Variants in OSBPL5 observed in about 807,000 individuals in gnomAD.
OSBPL5 encodes oxysterol-binding protein-related protein 5.
In OSBPL5, 71 loss-of-function variants were observed where a neutral mutation model predicts 111.2. That is an observed-to-expected ratio of 0.64 (90% confidence interval 0.53 to 0.78). The LOEUF (loss-of-function observed/expected upper bound fraction) is 0.78, where lower values mean the gene tolerates loss of function less well. Ranked by LOEUF, OSBPL5 falls within the 30% of genes least tolerant of loss-of-function variation. The pLI is 0.00. For missense variants in OSBPL5, 1,210 were observed against 1,189.3 expected (o/e 1.02, Z -0.26); for synonymous variants, 549 against 513.9 (o/e 1.07, Z -0.93).
In OSBPL5 at chr11:3,089,792, G is replaced by C. The variant is rs1856994314; in HGVS notation, c.2501+54C>G. 3.3e-6 allele frequency: 5 copies of C among 1,502,948 alleles called. No individual in the cohort carries two copies. In the East Asian group the frequency reaches 9.8e-5, roughly 30 times the overall value. The allele number at this position is 1,502,948 out of a possible 1,614,324, so 93.1% of individuals were successfully genotyped here. A position where few individuals can be genotyped will look rare whatever the true frequency, so the allele number is the denominator to read the frequency against. ...CCACCTCCCGCCCTAGCTCTACCAGGTCTCTCGCACTCTCTGACCCGGAGT... is the reference window on the plus strand; with the variant it reads ...CCACCTCCCGCCCTAGCTCTACCAGCTCTCTCGCACTCTCTGACCCGGAGT... On this transcript the variant is annotated intron_variant, in intron 21 of 21. Transcript: ENST00000263650.
intron 1 of OSBPL5, among the ~76,000 whole-genome samples, chr11:3,134,680 C>T (rs996683625): frequency 2.0e-5 from 3 of 152,226 alleles, no homozygotes; most frequent in Non-Finnish European, 2.9e-5. Context: ...CGCTGTCCAC[C>T]GAAAGAATGT....
rs760996586 is a variant in OSBPL5, at chr11:3,126,427, AGAG to A, written c.219+43_219+45del. 2 of 1,505,036 alleles carry A rather than the reference AGAG, an allele frequency of 1.3e-6. No homozygotes were observed. The highest frequency in any genetic ancestry group is 1.8e-6 in the Non-Finnish European group (2 of 1,117,468). The allele number at this position is 1,505,036 out of a possible 1,614,324, so 93.2% of individuals were successfully genotyped here. On this transcript the variant is annotated intron_variant, in intron 3 of 21. Coordinates refer to ENST00000263650, the MANE Select transcript of OSBPL5 (RefSeq NM_020896.4). This position sits in a 1 kb window ranked among gnomAD's most constrained non-coding sequence, Gnocchi z 6.5. Reference sequence around the variant, plus strand: ...TCCCCAGCCGTTTCCTGCTGTCCCCAGAGCCAGGCTCTGGCTCATGGATCCTCC... The same window carrying A: ...TCCCCAGCCGTTTCCTGCTGTCCCCACCAGGCTCTGGCTCATGGATCCTCC...
chr11:3,122,097 G>T lies in OSBPL5; in HGVS notation c.302C>A (p.Ala101Glu). The change falls in exon 5 of 22, where the codon GCG (alanine) becomes GAG (glutamate). Residue 101 changes from alanine to glutamate, a missense_variant and splice_region_variant. By Grantham distance (107) the Ala-to-Glu change is moderately radical (BLOSUM62 -1). Coordinates refer to ENST00000263650, the MANE Select transcript of OSBPL5 (RefSeq NM_020896.4). ...ARVTKKETLK[A>E]QKENYRQEKK... ...CTCCTGCCGGTAGTTCTCCTTCTGC[G>T]CCTGGGCCCGGGGCACCCGCGGTGG... 6.4e-7 allele frequency: 1 copy of T among 1,564,034 alleles called. No homozygotes were observed.
chr11:3,147,941 T>A (rs1846417156), intron 1 of OSBPL5, among the ~76,000 whole-genome samples: 1 of 151,984 alleles, frequency 6.6e-6, no homozygotes, highest in African/African-American at 2.4e-5. Context: ...CGAGCTGCCC[T>A]CGGTTCCCAG....
chr11:3,148,574 C>T (rs567844203), intron 1 of OSBPL5, among the ~76,000 whole-genome samples: 7 of 152,350 alleles, frequency 4.6e-5, no homozygotes, highest in Admixed American at 1.3e-4. Flanking sequence ...GCTTCCATGA[C>T]GGCAGGGCGG....
At position 3,119,555 on chromosome 11, in the gene OSBPL5, T is replaced by G. The variant is rs1437124392; in HGVS notation, c.683A>C (p.Glu228Ala). The G allele has an allele frequency of 6.3e-7, 1 of 1,575,680 alleles. No homozygotes were observed. Among genetic ancestry groups the G allele is most frequent in the Non-Finnish European group, 8.6e-7 (1 of 1,165,500 alleles). The change falls in exon 7 of 22, where the codon GAG becomes GCG. Residue 228 changes from glutamate (E) to alanine (A), a missense_variant. Transcript: ENST00000263650. The stretch of plus-strand genomic sequence containing the variant: ...AGCTGGCAGGGACTCACCATCTGAC[T>G]CGGAGGCGGCCCTGAAGATCAGGTA... ...SSYLIFRAAS[E>A]SDGRCWLDAL...
At chr11:3,137,320 C>G (rs925332508) in intron 1 of OSBPL5, among the ~76,000 whole-genome samples, 1 of 152,218 alleles carries the variant, frequency 6.6e-6, no homozygotes, top group Non-Finnish European at 1.5e-5. Context: ...TTCAGAGAGC[C>G]GTGGCATGCA....
chr11:3,159,204 A>G (rs1272623998), intron 1 of OSBPL5, among the ~76,000 whole-genome samples: 1 of 152,016 alleles, frequency 6.6e-6, no homozygotes, highest in Admixed American at 6.5e-5. Context: ...TGCCCAGGAG[A>G]CAGGTATGTT....
intron 1 of OSBPL5, among the ~76,000 whole-genome samples, chr11:3,156,172 AC>A (rs1846752518): frequency 1.3e-5 from 2 of 152,126 alleles, no homozygotes; most frequent in Admixed American, 6.5e-5. Flanking sequence ...TGCTGACCCC[AC>A]CCCAGGTCAG....
In OSBPL5 at chr11:3,105,443, C is replaced by T. The variant is rs867191172; in HGVS notation, c.1060-1066G>A. ...GACCCCATGAGGGGTCATGGGGAGC[C>T]CAGTGCTGTAGCTTTGGGGCTTGGA... On this transcript the variant is annotated intron_variant, in intron 9 of 21. Transcript: ENST00000263650. This position sits in a 1 kb window ranked among gnomAD's most constrained non-coding sequence, Gnocchi z 5.2. Among the ~76,000 whole-genome samples, 16 of 152,248 alleles carry T rather than the reference C, an allele frequency of 1.1e-4. No individual in the cohort carries two copies. The highest frequency in any genetic ancestry group is 3.6e-4 in the African/African-American group (15 of 41,548).
In OSBPL5 at chr11:3,142,040, G is replaced by A. The variant is rs1253890264; in HGVS notation, c.-21-12871C>T. 1.3e-5 allele frequency among the ~76,000 whole-genome samples: 2 copies of A among 152,144 alleles called. No homozygotes were observed. Among genetic ancestry groups the A allele is most frequent in the Admixed American group, 6.5e-5 (1 of 15,280 alleles). Reference sequence around the variant, plus strand: ...CAATTATCCTGCCTCAGCCTCCCGCGTTGCTGGGACTACAGGCACCTGCCA... The same window carrying A: ...CAATTATCCTGCCTCAGCCTCCCGCATTGCTGGGACTACAGGCACCTGCCA... On this transcript the variant is annotated intron_variant, in intron 1 of 21. Transcript: ENST00000263650. The surrounding 1 kb of genome is among the most constrained non-coding windows in gnomAD (Gnocchi z 7.1).
rs1857092531 is a variant in OSBPL5, at chr11:3,092,416, C to T, written c.2259+16G>A. The T allele has an allele frequency of 6.4e-7, 1 of 1,568,000 alleles. No homozygotes were observed. The highest frequency in any genetic ancestry group is 8.7e-7 in the Non-Finnish European group (1 of 1,155,216). ...CAGCTAAGACCAGCCCTGGGTGGGGCCTGTGGGGTGCTGACCTCGTGCCTG... is the reference window on the plus strand; with the variant it reads ...CAGCTAAGACCAGCCCTGGGTGGGGTCTGTGGGGTGCTGACCTCGTGCCTG... On this transcript the variant is annotated intron_variant, in intron 19 of 21. Transcript: ENST00000263650. The surrounding 1 kb of genome is among the most constrained non-coding windows in gnomAD (Gnocchi z 5.4).
In OSBPL5 at chr11:3,147,601, C is replaced by T. The variant is rs554843962; in HGVS notation, c.-22+17615G>A. ...CTCGAATCGAGGCGCCAAGTGCTCA[C>T]GTGTCCTTTAAGCCAGGGATGGACT... On this transcript the variant is annotated intron_variant, in intron 1 of 21. Transcript: ENST00000263650. 1.2e-4 allele frequency among the ~76,000 whole-genome samples: 19 copies of T among 152,370 alleles called. No individual in the cohort carries two copies. In the South Asian group the frequency reaches 2.1e-3, roughly 17 times the overall value.
rs934977208 is a variant in OSBPL5 at position 3,106,293 on chromosome 11, C to T, written c.1059+970G>A. On this transcript the variant is annotated intron_variant, in intron 9 of 21. Coordinates refer to ENST00000263650, the MANE Select transcript of OSBPL5 (RefSeq NM_020896.4). This position sits in a 1 kb window ranked among gnomAD's most constrained non-coding sequence, Gnocchi z 8.4. ...ACGAATTCCCCTTTCCTGCTGAAAC[C>T]GGGACTGCCCCTTGCCCTCAGTGAC... 6.6e-6 allele frequency among the ~76,000 whole-genome samples: 1 copy of T among 152,188 alleles called. No individual in the cohort carries two copies. Among genetic ancestry groups the T allele is most frequent in the Non-Finnish European group, 1.5e-5 (1 of 68,028 alleles).
chr11:3,120,495 C>G lies in OSBPL5; in HGVS notation c.532G>C (p.Glu178Gln). 6 of 1,613,332 alleles carry G rather than the reference C, an allele frequency of 3.7e-6. No homozygotes were observed. The highest frequency in any genetic ancestry group is 1.1e-5 in the South Asian group (1 of 91,082). The change falls in exon 6 of 22, where the codon GAG becomes CAG. Residue 178 changes from glutamate to glutamine, a missense_variant. Coordinates refer to ENST00000263650, the MANE Select transcript of OSBPL5 (RefSeq NM_020896.4). Reference protein sequence around the residue: ...TVLLHCCELIERPSKKDGFCF... With the variant: ...TVLLHCCELIQRPSKKDGFCF... ...AAGCCGTCCTTCTTGGAGGGCCGCT[C>G]GATGAGCTCGCAGCAGTGCAGCAGC...
chr11:3,137,160 C>G (rs1845971037), intron 1 of OSBPL5, among the ~76,000 whole-genome samples: 1 of 152,174 alleles, frequency 6.6e-6, no homozygotes, highest in Admixed American at 6.5e-5. Context: ...ACGCAGGCCT[C>G]CTGAGTCACC....
chr11:3,094,783 T>C (rs1857198142), intron 14 of OSBPL5: 2 of 159,398 alleles, frequency 1.3e-5, no homozygotes, highest in Non-Finnish European at 2.8e-5. Context: ...TCTCGCTCAC[T>C]GCTGCGTCCC....
chr11:3,104,062 A>T lies in OSBPL5; in HGVS notation c.1244+131T>A, dbSNP rs1857611699. The T allele has an allele frequency of 1.7e-6, 2 of 1,164,810 alleles. No homozygotes were observed. The highest frequency in any genetic ancestry group is 3.1e-5 in the African/African-American group (2 of 64,754). The allele number at this position is 1,164,810 out of a possible 1,614,324, so 72.2% of individuals were successfully genotyped here. ...GCCCCCTGGGAGGCTACAGCTGCAG[A>T]AACAGTGGGCTGAGATCAGCCATGG... On this transcript the variant is annotated intron_variant, in intron 10 of 21. Coordinates refer to ENST00000263650, the MANE Select transcript of OSBPL5 (RefSeq NM_020896.4). The surrounding 1 kb of genome is among the most constrained non-coding windows in gnomAD (Gnocchi z 5.0).
rs886211222 is a variant in OSBPL5 at position 3,121,182 on chromosome 11, C to G, written c.403-558G>C. 1.3e-5 allele frequency among the ~76,000 whole-genome samples: 2 copies of G among 151,766 alleles called. No individual in the cohort carries two copies. Among genetic ancestry groups the G allele is most frequent in the Admixed American group, 6.6e-5 (1 of 15,238 alleles). ...AAGCGATTCTCCTGCCTCAGCCGCC[C>G]GAGTAGCTGGGATTACAGGCGCCCG... On this transcript the variant is annotated intron_variant, in intron 5 of 21. Transcript: ENST00000263650. This position sits in a 1 kb window ranked among gnomAD's most constrained non-coding sequence, Gnocchi z 4.3.
Sources: allele counts gnomAD v4.1 joint callset (sites outside exome capture counted in the v4.1 genomes callset), GRCh38; gene constraint gnomAD v4.1.1; non-coding constraint Gnocchi (gnomAD v3.1); transcripts MANE v1.5; gene names NCBI Gene and HGNC (gene_info 2026-07-23, HGNC 2026-07-21).